The following RELN variants were observed in gnomAD, a reference collection of about 807,000 sequenced individuals.
RELN encodes the protein reelin.
Under a neutral mutation model 427.6 loss-of-function variants are expected in RELN, and 108 were observed. That is an observed-to-expected ratio of 0.25 (90% CI 0.22 to 0.30). The LOEUF (loss-of-function observed/expected upper bound fraction) is 0.30, where lower values mean the gene tolerates loss of function less well. Ranked by LOEUF, RELN falls within the 10% of genes least tolerant of loss-of-function variation. The pLI is 1.00. For missense variants in RELN, 3,715 were observed against 4,302.8 expected (o/e 0.86, Z 3.82); for synonymous variants, 1,524 against 1,513.4 (o/e 1.01, Z -0.16).
intron 3 of RELN, among the ~76,000 whole-genome samples, chr7:103,802,803 A>C (rs1792501162): frequency 6.6e-6 from 1 of 152,100 alleles, no homozygotes; most frequent in African/African-American, 2.4e-5. Flanking sequence ...TGTTCCTTTC[A>C]CATAAAATGT....
At chr7:103,475,453 C>T (rs1828002599) in intron 64 of RELN, among the ~76,000 whole-genome samples, 1 of 152,026 alleles carries the variant, frequency 6.6e-6, no homozygotes, top group Non-Finnish European at 1.5e-5. Flanking sequence ...AATCATTACT[C>T]TATAACTATA....
intron 20 of RELN, among the ~76,000 whole-genome samples, chr7:103,628,582 A>T (rs1832381299): frequency 6.6e-6 from 1 of 152,174 alleles, no homozygotes; most frequent in Non-Finnish European, 1.5e-5. Context: ...CTATACATGC[A>T]CAAGTCCCAT....
At chr7:103,544,220 CTTTTTTTTTTTTTTTTTTT>C (rs71154356) in intron 42 of RELN, among the ~76,000 whole-genome samples, 10 of 71,220 alleles carry the variant, frequency 1.4e-4, no homozygotes, top group South Asian at 6.4e-4. Context: ...GAAAGAAAAT[CTTTTTTTTTTTTTTTTTTT>C]TTTTTTTTTT....
chr7:103,476,127 A>G (rs771547563), intron 64 of RELN, among the ~76,000 whole-genome samples: 1 of 152,150 alleles, frequency 6.6e-6, no homozygotes, highest in Non-Finnish European at 1.5e-5. Flanking sequence ...TGATATGCAT[A>G]TAGTAATGGA....
At chr7:103,506,892 C>G (rs1229866300) in intron 51 of RELN, among the ~76,000 whole-genome samples, 1 of 152,156 alleles carries the variant, frequency 6.6e-6, no homozygotes, top group Admixed American at 6.5e-5. Flanking sequence ...ATCCTAGTCT[C>G]TGATAAAACA....
At chr7:103,918,029 C>A (rs1213641798) in intron 1 of RELN, among the ~76,000 whole-genome samples, 1 of 152,032 alleles carries the variant, frequency 6.6e-6, no homozygotes, top group African/African-American at 2.4e-5. Flanking sequence ...GTGCACAGTA[C>A]AAGGCTGTCA....
intron 62 of RELN, 37 bp downstream of exon 62, chr7:103,483,616 G>T: frequency 6.3e-7 from 1 of 1,595,390 alleles, no homozygotes; most frequent in Non-Finnish European, 8.6e-7. Flanking sequence ...CAAAGGGATT[G>T]TGCATGAGAC....
intron 1 of RELN, among the ~76,000 whole-genome samples, chr7:103,982,662 A>G (rs1190686767): frequency 5.3e-5 from 8 of 152,050 alleles, no homozygotes; most frequent in Non-Finnish European, 1.2e-4. Context: ...GATGAGATAC[A>G]GTGGGAAGGA....
chr7:103,655,078 T>C (rs1832997964), intron 12 of RELN, among the ~76,000 whole-genome samples: 1 of 152,048 alleles, frequency 6.6e-6, no homozygotes, highest in Admixed American at 6.6e-5. Flanking sequence ...TTCTAAAGCA[T>C]TAAGACTGTA....
intron 6 of RELN, among the ~76,000 whole-genome samples, chr7:103,745,112 T>C (rs986204916): frequency 1.5e-4 from 23 of 152,190 alleles, no homozygotes; most frequent in Non-Finnish European, 1.8e-4. Flanking sequence ...TGGTTCAATA[T>C]ACGCAAATCA....
chr7:103,762,972 G>C (rs1269088491), intron 4 of RELN, among the ~76,000 whole-genome samples: 2 of 152,244 alleles, frequency 1.3e-5, no homozygotes, highest in Middle Eastern at 3.4e-3. Context: ...ACTTCAATTT[G>C]GTTCTCAAGC....
chr7:103,621,455 T>G (rs1422716946), intron 20 of RELN, among the ~76,000 whole-genome samples: 1 of 152,180 alleles, frequency 6.6e-6, no homozygotes, highest in African/African-American at 2.4e-5. Context: ...CTTTTCCCAG[T>G]CTCCTGGAAA....
At chr7:103,482,444 C>G (rs1828275597) in intron 63 of RELN, among the ~76,000 whole-genome samples, 1 of 152,134 alleles carries the variant, frequency 6.6e-6, no homozygotes, top group South Asian at 2.1e-4. Flanking sequence ...TAGTTGCAAC[C>G]ACATCATTCA....
intron 1 of RELN, among the ~76,000 whole-genome samples, chr7:103,966,244 G>A (rs1406763450): frequency 6.6e-6 from 1 of 152,226 alleles, no homozygotes; most frequent in African/African-American, 2.4e-5. Flanking sequence ...TGGCTCGCAG[G>A]TGGCCAGAGT....
intron 2 of RELN, among the ~76,000 whole-genome samples, chr7:103,877,250 A>G (rs923696591): frequency 6.6e-6 from 1 of 152,118 alleles, no homozygotes; most frequent in Non-Finnish European, 1.5e-5. Flanking sequence ...TTCCAAGTTT[A>G]TATCTCAGGC....
At chr7:103,766,192 T>C (rs1418724606) in intron 4 of RELN, among the ~76,000 whole-genome samples, 1 of 152,206 alleles carries the variant, frequency 6.6e-6, no homozygotes, top group African/African-American at 2.4e-5. Context: ...TGTCTTTGTT[T>C]ATAAAAATCA....
intron 4 of RELN, among the ~76,000 whole-genome samples, chr7:103,768,540 GT>G (rs1410208073): frequency 6.6e-6 from 1 of 152,086 alleles, no homozygotes; most frequent in African/African-American, 2.4e-5. Flanking sequence ...CCTCATCATG[GT>G]CCATAGCAAA....
intron 63 of RELN, among the ~76,000 whole-genome samples, chr7:103,479,290 T>A (rs1242602772): frequency 6.6e-6 from 1 of 152,190 alleles, no homozygotes; most frequent in Non-Finnish European, 1.5e-5. Flanking sequence ...TTGTGAGGGA[T>A]CTGCCCAGTG....
chr7:103,805,464 T>C (rs997482476), intron 3 of RELN, among the ~76,000 whole-genome samples: 1 of 146,448 alleles, frequency 6.8e-6, no homozygotes, highest in Non-Finnish European at 1.5e-5. Flanking sequence ...AAACTGTCAT[T>C]AAAATTTGAA....
Sources: gnomAD v4.1 joint callset for allele counts (sites outside exome capture counted in the v4.1 genomes callset) on GRCh38, gnomAD v4.1.1 for gene constraint, MANE v1.5 for transcripts, NCBI Gene and HGNC (gene_info 2026-07-23, HGNC 2026-07-21) for gene names.